CRYM: variants seen among roughly 807,000 people sequenced by gnomAD.
CRYM encodes ketimine reductase mu-crystallin.
CRYM carries 18 observed loss-of-function variants against 32.9 expected under a neutral mutation model. That is an observed-to-expected ratio of 0.55 (90% confidence interval 0.38 to 0.81). The LOEUF is 0.81. Ranked by LOEUF, CRYM falls within the 30% of genes least tolerant of loss-of-function variation. The probability of loss-of-function intolerance (pLI) is 0.00; values close to 1 mark genes in which losing one functional copy is unlikely to be tolerated. For synonymous variants in CRYM, 153 were observed against 152.4 expected, an observed-to-expected ratio of 1.00 and a Z score of -0.03; for missense variants, 337 against 393.5, an observed-to-expected ratio of 0.86 and a Z score of 1.21.
rs1199516182 is a variant in CRYM at position 21,271,696 on chromosome 16, TCA to T, written c.388-1807_388-1806del. Among the ~76,000 whole-genome samples the T allele has an allele frequency of 4.6e-5, 7 of 152,218 alleles. 1 individual carries two copies. On this transcript the variant is annotated intron_variant, in intron 3 of 7. Transcript: ENST00000572914. ...TAATTGTTACCATTTTCTTCTGTTCTCAGTTAATATGAATCTATTCTTGAAAG... is the reference window on the plus strand; with the variant it reads ...TAATTGTTACCATTTTCTTCTGTTCTGTTAATATGAATCTATTCTTGAAAG...
intron 1 of CRYM, among the ~76,000 whole-genome samples, chr16:21,291,015 G>A (rs547864127): frequency 6.6e-6 from 1 of 152,168 alleles, no homozygotes; most frequent in African/African-American, 2.4e-5. Flanking sequence ...TATGTTTCAA[G>A]AAATCAGGGG....
chr16:21,302,000 G>A (rs1401299329), intron 1 of CRYM, among the ~76,000 whole-genome samples: 1 of 152,196 alleles, frequency 6.6e-6, no homozygotes, highest in Admixed American at 6.5e-5. Flanking sequence ...GGCGCGCAGA[G>A]CCCAAAAGGG....
intron 1 of CRYM, among the ~76,000 whole-genome samples, chr16:21,295,799 G>T (rs1960776625): frequency 6.6e-6 from 1 of 152,038 alleles, no homozygotes; most frequent in South Asian, 2.1e-4. Flanking sequence ...GGGTGTGGTG[G>T]CACATGCCTA....
chr16:21,292,898 C>T (rs183446378), intron 1 of CRYM, among the ~76,000 whole-genome samples: 2 of 151,652 alleles, frequency 1.3e-5, no homozygotes, highest in East Asian at 1.9e-4. Flanking sequence ...TATAAAACTA[C>T]GATAATTAAG....
chr16:21,278,114 C>T lies in CRYM; in HGVS notation c.138G>A (p.Val46=), dbSNP rs1033932417. The T allele has an allele frequency of 1.9e-6, 3 of 1,548,448 alleles. No homozygotes were observed. Among genetic ancestry groups the T allele is most frequent in the African/African-American group, 2.7e-5 (2 of 73,136 alleles). ...GCTTGGTCACCGGCACCACGGTGCG[C>T]ACGGGCTGCATGACCCCTCCTTCGG... is the stretch of plus-strand genomic sequence containing the variant. The part of the protein sequence containing the change: ...SGPEGGVMQP[V]RTVVPVTKHR... Residue 46 remains valine (V), a synonymous_variant, in exon 1 of 8, where the codon GTG becomes GTA. Coordinates refer to ENST00000572914, the MANE Select transcript of CRYM (RefSeq NM_001376256.1).
intron 1 of CRYM, among the ~76,000 whole-genome samples, chr16:21,293,807 A>T (rs1960722623): frequency 1.3e-5 from 2 of 152,212 alleles, no homozygotes; most frequent in South Asian, 4.1e-4. Flanking sequence ...CTTACAAACT[A>T]ATCAAAATAT....
At chr16:21,270,776 C>A (rs1281308428) in intron 3 of CRYM, among the ~76,000 whole-genome samples, 2 of 152,162 alleles carry the variant, frequency 1.3e-5, no homozygotes, top group Admixed American at 1.3e-4. Flanking sequence ...ATTCACTGGG[C>A]CAACTCTGTT....
chr16:21,287,334 G>C (rs978485826), intron 1 of CRYM, among the ~76,000 whole-genome samples: 1 of 152,146 alleles, frequency 6.6e-6, no homozygotes, highest in Non-Finnish European at 1.5e-5. Context: ...AGTTTGAGAA[G>C]GTATGATATA....
rs950255282 is a variant in CRYM at position 21,290,179 on chromosome 16, C to G, written c.-192-11219G>C. Among the ~76,000 whole-genome samples, 4 of 152,258 alleles carry G rather than the reference C, an allele frequency of 2.6e-5. 1 individual carries two copies. The highest frequency in any genetic ancestry group is 4.2e-4 in the South Asian group (2 of 4,812). ...CGGATCCCCTTCCATGCTGTGGGAA[C>G]TTTTTTCTTTTGCTGTTCACAATAA... On this transcript the variant is annotated intron_variant, in intron 1 of 9. Coordinates refer to the CRYM transcript ENST00000219599.
At chr16:21,264,996 C>T (rs1179175437) in intron 5 of CRYM, among the ~76,000 whole-genome samples, 2 of 152,124 alleles carry the variant, frequency 1.3e-5, no homozygotes, top group Admixed American at 1.3e-4. Flanking sequence ...GATCCAGCTA[C>T]CCACACCCAG....
intron 2 of CRYM, among the ~76,000 whole-genome samples, chr16:21,276,085 T>C (rs913359147): frequency 6.6e-6 from 1 of 152,230 alleles, no homozygotes; most frequent in Non-Finnish European, 1.5e-5. Context: ...ACCCAGTCTG[T>C]ATCTCTTCCA....
intron 1 of CRYM, among the ~76,000 whole-genome samples, chr16:21,302,398 A>G (rs968725805): frequency 7.9e-5 from 12 of 152,256 alleles, no homozygotes; most frequent in African/African-American, 2.9e-4. Context: ...GTGGAAGTTC[A>G]GTGATTATAG....
intron 1 of CRYM, among the ~76,000 whole-genome samples, chr16:21,299,309 AT>A (rs1007154170): frequency 2.0e-4 from 30 of 148,290 alleles, no homozygotes; most frequent in Middle Eastern, 3.4e-3. Context: ...TTTTTTTTTA[AT>A]TTTTTTTTTA....
At chr16:21,265,575 CA>C (rs1343422431) in intron 5 of CRYM, among the ~76,000 whole-genome samples, 3 of 152,206 alleles carry the variant, frequency 2.0e-5, no homozygotes, top group Admixed American at 1.3e-4. Flanking sequence ...TGAAATTAAC[CA>C]CCATGAAACC....
At chr16:21,284,357 T>C (rs746364670) in intron 1 of CRYM, among the ~76,000 whole-genome samples, 16 of 152,114 alleles carry the variant, frequency 1.1e-4, no homozygotes, top group Non-Finnish European at 2.1e-4. Context: ...TTTTTTACCC[T>C]TCAAAGTGCA....
At chr16:21,287,539 G>A (rs2093409531) in intron 1 of CRYM, among the ~76,000 whole-genome samples, 1 of 152,222 alleles carries the variant, frequency 6.6e-6, no homozygotes, top group Non-Finnish European at 1.5e-5. Flanking sequence ...AATCAACCAT[G>A]TGATGAGGAT....
intron 1 of CRYM, among the ~76,000 whole-genome samples, chr16:21,302,577 G>A (rs1214049797): frequency 6.6e-6 from 1 of 152,186 alleles, no homozygotes; most frequent in Admixed American, 6.5e-5. Context: ...TTAAGCTCTA[G>A]GATGAGAGTA....
chr16:21,291,093 T>C (rs1158661771), intron 1 of CRYM, among the ~76,000 whole-genome samples: 2 of 152,238 alleles, frequency 1.3e-5, no homozygotes, highest in Non-Finnish European at 2.9e-5. Context: ...TTTCTCTGTT[T>C]AATTTTATCA....
At chr16:21,292,211 C>A (rs1266459062) in intron 1 of CRYM, among the ~76,000 whole-genome samples, 1 of 151,950 alleles carries the variant, frequency 6.6e-6, no homozygotes, top group Admixed American at 6.6e-5. Flanking sequence ...GAATGATCTA[C>A]CAAAAAAGAG....
Sources: allele counts gnomAD v4.1 joint callset (sites outside exome capture counted in the v4.1 genomes callset), GRCh38; gene constraint gnomAD v4.1.1; transcripts MANE v1.5; gene names NCBI Gene and HGNC (gene_info 2026-07-23, HGNC 2026-07-21).